Variants in LPCAT2 observed in about 807,000 individuals in gnomAD.
LPCAT2 encodes the protein lysophosphatidylcholine acyltransferase 2.
LPCAT2 carries 58 observed loss-of-function variants against 64.7 expected under a neutral mutation model. The observed-to-expected ratio is 0.90, with a 90% CI of 0.73 to 1.12. The LOEUF (loss-of-function observed/expected upper bound fraction) is 1.12, where lower values mean the gene tolerates loss of function less well. Ranked by LOEUF, LPCAT2 falls within the 50% of genes most tolerant of loss-of-function variation. The probability of loss-of-function intolerance (pLI) is 0.00; values close to 1 mark genes in which losing one functional copy is unlikely to be tolerated. For missense variants in LPCAT2, 579 were observed against 669.8 expected (o/e 0.86, Z 1.50); for synonymous variants, 252 against 245.3 (o/e 1.03, Z -0.26).
At chr16:55,533,822 A>G (rs1963288451) in intron 6 of LPCAT2, among the ~76,000 whole-genome samples, 1 of 152,142 alleles carries the variant, frequency 6.6e-6, no homozygotes, top group Non-Finnish European at 1.5e-5. Flanking sequence ...TCCTAAAGAA[A>G]GATTTTTGAG....
At chr16:55,520,684 T>A (rs1311778001) in intron 1 of LPCAT2, among the ~76,000 whole-genome samples, 3 of 152,036 alleles carry the variant, frequency 2.0e-5, no homozygotes, top group African/African-American at 7.2e-5. Flanking sequence ...ATAAATTATA[T>A]TAGAAATCAA....
intron 1 of LPCAT2, among the ~76,000 whole-genome samples, chr16:55,512,038 A>G (rs191939977): frequency 2.0e-5 from 3 of 152,314 alleles, no homozygotes; most frequent in Admixed American, 2.0e-4. Context: ...CCACCATTCA[A>G]ATAAATATAA....
chr16:55,532,142 C>T, intron 5 of LPCAT2, 168 bp downstream of exon 5: 1 of 566,448 alleles, frequency 1.8e-6, no homozygotes, highest in Non-Finnish European at 3.2e-6. Flanking sequence ...TTTGCTTTCT[C>T]TTTTGGGGTC....
intron 11 of LPCAT2, among the ~76,000 whole-genome samples, chr16:55,568,889 CAG>C (rs1963737493): frequency 6.6e-6 from 1 of 152,096 alleles, no homozygotes; most frequent in African/African-American, 2.4e-5. Context: ...GCAGAGCAAA[CAG>C]AATCCAGGAT....
chr16:55,526,764 G>A (rs1384285478), intron 2 of LPCAT2, among the ~76,000 whole-genome samples: 2 of 152,068 alleles, frequency 1.3e-5, no homozygotes, highest in Non-Finnish European at 2.9e-5. Flanking sequence ...AACCTAGGAT[G>A]ATAGAAGGAA....
chr16:55,578,425 G>C (rs531641354), intron 12 of LPCAT2, among the ~76,000 whole-genome samples: 2 of 152,278 alleles, frequency 1.3e-5, no homozygotes, highest in Admixed American at 1.3e-4. Flanking sequence ...GCCTAAACTA[G>C]AAGATACCAT....
chr16:55,525,759 T>C lies in LPCAT2; in HGVS notation c.311+112T>C, dbSNP rs528479514. On this transcript the variant is annotated intron_variant, in intron 2 of 13. Transcript: ENST00000262134. Reference sequence around the variant, plus strand: ...AGTCAGTGATCTAACTGCTGTTAGATAAAACTATTTTATCTGCCTACTCAA... The same window carrying C: ...AGTCAGTGATCTAACTGCTGTTAGACAAAACTATTTTATCTGCCTACTCAA... 19 of 656,802 alleles carry C rather than the reference T, an allele frequency of 2.9e-5. 1 individual carries two copies. The Admixed American group carries it at 7.1e-4, about 25-fold the overall frequency. The allele number at this position is 656,802 out of a possible 1,614,324, so 40.7% of individuals were successfully genotyped here.
chr16:55,570,453 G>T (rs1160285690), intron 11 of LPCAT2, among the ~76,000 whole-genome samples: 2 of 151,960 alleles, frequency 1.3e-5, no homozygotes, highest in African/African-American at 4.8e-5. Context: ...GCAAAACCCC[G>T]TTTCAACAAA....
chr16:55,560,529 G>C (rs1269290852), intron 11 of LPCAT2, among the ~76,000 whole-genome samples: 8 of 152,040 alleles, frequency 5.3e-5, no homozygotes, highest in African/African-American at 1.4e-4. Context: ...GATAAAGAAA[G>C]ATTAAATTAA....
At chr16:55,509,846 A>C (rs983621093) in intron 1 of LPCAT2, among the ~76,000 whole-genome samples, 12 of 152,032 alleles carry the variant, frequency 7.9e-5, no homozygotes, top group African/African-American at 1.2e-4. Flanking sequence ...AAACAGGAAG[A>C]GACTGAGCTG....
intron 4 of LPCAT2, 112 bp from the exon 5 acceptor site, chr16:55,531,802 T>G: frequency 1.4e-6 from 1 of 693,808 alleles, no homozygotes; most frequent in South Asian, 1.6e-5. Context: ...AGCCTTTTAT[T>G]TTGTTTTTGT....
rs74021208 is a variant in LPCAT2, at chr16:55,522,814, G to T, written c.172-2694G>T. ...ATACCACACAAAAAAAGTCATTTAA[G>T]ATTGATCATAGATTGAAATGTAAAA... is the stretch of plus-strand genomic sequence containing the variant. On this transcript the variant is annotated intron_variant, in intron 1 of 13. Transcript: ENST00000262134. 6.4e-3 allele frequency among the ~76,000 whole-genome samples: 973 copies of T among 151,700 alleles called. 8 individuals are homozygous for T. The highest frequency in any genetic ancestry group is 0.022 in the African/African-American group (915 of 41,482).
At chr16:55,582,586 G>A (rs1963899070) in intron 13 of LPCAT2, among the ~76,000 whole-genome samples, 1 of 152,016 alleles carries the variant, frequency 6.6e-6, no homozygotes, top group African/African-American at 2.4e-5. Context: ...GGACATCCAA[G>A]TTGTTTTTAT....
rs1304052764 is a variant in LPCAT2 at position 55,528,659 on chromosome 16, A to G, written c.529+65A>G. 5.7e-6 allele frequency: 7 copies of G among 1,226,856 alleles called. No individual in the cohort carries two copies. The Admixed American group carries it at 1.2e-4, about 21-fold the overall frequency. The allele number at this position is 1,226,856 out of a possible 1,614,324, so 76.0% of individuals were successfully genotyped here. ...GCTCATGCTTTAAATTAAAATAATC[A>G]TATATAGTTCATTGATAACCTTTTT... On this transcript the variant is annotated intron_variant, in intron 3 of 13. Coordinates refer to ENST00000262134, the MANE Select transcript of LPCAT2 (RefSeq NM_017839.5).
rs138820139 is a variant in LPCAT2 at position 55,576,616 on chromosome 16, C to T, written c.1314+1887C>T. 3.3e-3 allele frequency among the ~76,000 whole-genome samples: 509 copies of T among 152,290 alleles called. 18 individuals are homozygous for T. In the South Asian group the frequency reaches 0.063, roughly 19 times the overall value. ...AAACTCCAACTCTGTTCATAATGCA[C>T]ATTTCAGGGAGGGTCCAGCTGGTCT... On this transcript the variant is annotated intron_variant, in intron 12 of 13. Coordinates refer to ENST00000262134, the MANE Select transcript of LPCAT2 (RefSeq NM_017839.5).
At chr16:55,523,261 A>G (rs2142395151) in intron 1 of LPCAT2, among the ~76,000 whole-genome samples, 2 of 151,898 alleles carry the variant, frequency 1.3e-5, no homozygotes, top group Middle Eastern at 6.8e-3. Flanking sequence ...ATCCTTTTAT[A>G]CCCACTTTAA....
At chr16:55,581,122 A>G (rs1963883642) in intron 13 of LPCAT2, among the ~76,000 whole-genome samples, 1 of 152,198 alleles carries the variant, frequency 6.6e-6, no homozygotes, top group Non-Finnish European at 1.5e-5. Flanking sequence ...TTACTCTTTA[A>G]TGCCACTGAC....
intron 8 of LPCAT2, chr16:55,542,069 T>C (rs1041548308): frequency 1.3e-5 from 11 of 822,812 alleles, no homozygotes; most frequent in African/African-American, 7.3e-5. Flanking sequence ...TAGAAAGGAA[T>C]GTGCTTGATG....
chr16:55,586,062 T>G lies in LPCAT2; in HGVS notation c.*2964T>G, dbSNP rs931577840. 1 of 152,260 alleles carries G rather than the reference T, an allele frequency of 6.6e-6. No individual in the cohort carries two copies. Among genetic ancestry groups the G allele is most frequent in the Admixed American group, 6.5e-5 (1 of 15,282 alleles). The allele number at this position is 152,260 out of a possible 1,614,324, so 9.4% of individuals were successfully genotyped here. A position where few individuals can be genotyped will look rare whatever the true frequency, so the allele number is the denominator to read the frequency against. On this transcript the variant is annotated 3_prime_UTR_variant, in exon 14 of 14. Transcript: ENST00000262134. ...CCCGGGAAAGTAGACATACTTACAT[T>G]TTTTTCCTTTTCTGCTCATTTGAAT...
Sources: gnomAD v4.1 joint callset for allele counts (sites outside exome capture counted in the v4.1 genomes callset) on GRCh38, gnomAD v4.1.1 for gene constraint, MANE v1.5 for transcripts, NCBI Gene and HGNC (gene_info 2026-07-23, HGNC 2026-07-21) for gene names.